The following CD1B variants were observed in gnomAD, a reference collection of about 807,000 sequenced individuals.
CD1B encodes the protein T-cell surface glycoprotein CD1b.
CD1B carries 43 observed loss-of-function variants against 39.8 expected under a neutral mutation model. That is an observed-to-expected ratio of 1.08 (90% CI 0.85 to 1.39). The LOEUF is 1.39. CD1B is among the 40% of genes most tolerant of loss of function. The pLI is 0.00. For synonymous variants in CD1B, 192 were observed against 152.5 expected (o/e 1.26, Z -1.91); for missense variants, 495 against 403.8 (o/e 1.23, Z -1.94).
At chr1:158,307,183 G>T in the CD1B span, among the ~76,000 whole-genome samples, 1 of 148,542 alleles carries the variant, frequency 6.7e-6, no homozygotes, top group Non-Finnish European at 1.5e-5. Flanking sequence ...CAGACTGCTA[G>T]CAAGACTAAT....
At chr1:158,292,887 G>T in the CD1B span, 28 of 1,612,520 alleles carry the variant, frequency 1.7e-5, no homozygotes, top group Non-Finnish European at 2.3e-5. Flanking sequence ...AAGACTGGAG[G>T]TTGGAAGTGT....
At chr1:158,320,916 G>C in the CD1B span, among the ~76,000 whole-genome samples, 1 of 151,958 alleles carries the variant, frequency 6.6e-6, no homozygotes, top group Non-Finnish European at 1.5e-5. Flanking sequence ...GACTTTTATT[G>C]CAGCTTAACA....
downstream of CD1B, among the ~76,000 whole-genome samples, chr1:158,326,337 T>A (rs555147051): frequency 1.3e-5 from 2 of 152,258 alleles, no homozygotes; most frequent in South Asian, 2.1e-4. Context: ...ATTATAGCTA[T>A]GTAATCAGCA....
downstream of CD1B, among the ~76,000 whole-genome samples, chr1:158,327,515 A>C (rs1338415128): frequency 6.6e-6 from 1 of 152,208 alleles, no homozygotes; most frequent in East Asian, 1.9e-4. Flanking sequence ...AAAGTAGATG[A>C]CTCTGAAAGA....
At chr1:158,329,705 G>T in intron 3 of CD1B, 57 bp from the exon 4 acceptor site, 1 of 1,589,232 alleles carries the variant, frequency 6.3e-7, no homozygotes, top group Non-Finnish European at 8.6e-7. Flanking sequence ...CAGAGGTTAT[G>T]AACTCAGAAA....
chr1:158,313,866 T>A, the CD1B span, among the ~76,000 whole-genome samples: 1 of 152,148 alleles, frequency 6.6e-6, no homozygotes, highest in Non-Finnish European at 1.5e-5. Context: ...CTGTTTGAAT[T>A]TTCTGTTTCT....
downstream of CD1B, among the ~76,000 whole-genome samples, chr1:158,327,763 C>T (rs980856377): frequency 4.6e-5 from 7 of 152,202 alleles, no homozygotes; most frequent in African/African-American, 1.7e-4. Context: ...AGAAACATCT[C>T]AGCTGAGCCT....
the CD1B span, among the ~76,000 whole-genome samples, chr1:158,305,251 T>A: frequency 6.6e-6 from 1 of 152,032 alleles, no homozygotes; most frequent in African/African-American, 2.4e-5. Context: ...AAGGACCGGA[T>A]GGAGCTGAAA....
chr1:158,307,152 T>G, the CD1B span, among the ~76,000 whole-genome samples: 2 of 152,084 alleles, frequency 1.3e-5, no homozygotes, highest in East Asian at 1.9e-4. Flanking sequence ...GCTGCTTTTT[T>G]GAAAAGATCA....
At chr1:158,306,788 G>A in the CD1B span, among the ~76,000 whole-genome samples, 20 of 152,082 alleles carry the variant, frequency 1.3e-4, no homozygotes, top group African/African-American at 1.9e-4. Context: ...ACTCAAAGCC[G>A]CTCAACTACA....
the CD1B span, among the ~76,000 whole-genome samples, chr1:158,313,536 C>T: frequency 6.6e-6 from 1 of 152,130 alleles, no homozygotes; most frequent in Admixed American, 6.6e-5. Context: ...TCTTGAACTC[C>T]TGGGCTCAAG....
chr1:158,325,162 G>A (rs1950896), downstream of CD1B, among the ~76,000 whole-genome samples: 5,800 of 152,086 alleles, frequency 0.038, 380 homozygotes, highest in African/African-American at 0.13. Context: ...AGTGAAGAAT[G>A]TTTAATATAT....
the CD1B span, among the ~76,000 whole-genome samples, chr1:158,320,130 C>T: frequency 2.0e-5 from 3 of 152,218 alleles, no homozygotes; most frequent in Non-Finnish European, 2.9e-5. Flanking sequence ...TGCCCTGCCC[C>T]CAGAGGTGGA....
In CD1B at chr1:158,330,834, C is replaced by G. The variant is rs752275251; in HGVS notation, c.290G>C (p.Arg97Pro). ...ATCACCGGCAAAGTCTTGTACTTCT[C>G]GAGCGAATCCAAAGATGTAGACTCG... ...IFRVYIFGFA[R>P]EVQDFAGDFQ... The change falls in exon 2 of 6, where the codon CGA (arginine) becomes CCA (proline). Residue 97 changes from arginine (R) to proline (P), a missense_variant. By Grantham distance (103) the Arg-to-Pro change is moderately radical. Transcript: ENST00000368168. The G allele has an allele frequency of 1.9e-6, 3 of 1,614,042 alleles. No homozygotes were observed. In the African/African-American group the frequency reaches 4.0e-5, roughly 22 times the overall value.
At chr1:158,312,928 A>G in the CD1B span, among the ~76,000 whole-genome samples, 1 of 152,074 alleles carries the variant, frequency 6.6e-6, no homozygotes, top group Admixed American at 6.6e-5. Flanking sequence ...TTAGTTCCAG[A>G]TTTTAGAGAA....
chr1:158,317,711 A>C, the CD1B span, among the ~76,000 whole-genome samples: 1 of 151,998 alleles, frequency 6.6e-6, no homozygotes, highest in African/African-American at 2.4e-5. Flanking sequence ...CTAGCTTTTG[A>C]ATGTGTTTGC....
chr1:158,330,992 A>T lies in CD1B; in HGVS notation c.132T>A (p.Thr44=). 1.9e-6 allele frequency: 3 copies of T among 1,614,090 alleles called. No homozygotes were observed. Among genetic ancestry groups the T allele is most frequent in the Non-Finnish European group, 2.5e-6 (3 of 1,180,004 alleles). Residue 44 remains threonine, a synonymous_variant, in exon 2 of 6, where the codon ACT becomes ACA. Coordinates refer to ENST00000368168, the MANE Select transcript of CD1B (RefSeq NM_001764.3). ...SSFTNSTWAQ[T]QGSGWLDDLQ... is the part of the protein sequence containing the mutation. The stretch of plus-strand genomic sequence containing the variant: ...AATCATCCAACCAGCCTGAGCCTTG[A>T]GTTTGTGCCCAGGTACTATTGGTAA...
the CD1B span, among the ~76,000 whole-genome samples, chr1:158,308,836 T>C: frequency 6.6e-6 from 1 of 152,296 alleles, no homozygotes; most frequent in African/African-American, 2.4e-5. Flanking sequence ...CAATTCAAGA[T>C]GGATTAAAGA....
At chr1:158,324,276 T>C (rs914298074), downstream of CD1B, among the ~76,000 whole-genome samples, 3 of 152,170 alleles carry the variant, frequency 2.0e-5, no homozygotes, top group Non-Finnish European at 4.4e-5. Flanking sequence ...CAGGTGCTGG[T>C]CTGCAATCCC....
Sources: allele counts gnomAD v4.1 joint callset (sites outside exome capture counted in the v4.1 genomes callset), GRCh38; gene constraint gnomAD v4.1.1; transcripts MANE v1.5; gene names NCBI Gene and HGNC (gene_info 2026-07-23, HGNC 2026-07-21).